Variants in TENM1 observed in about 807,000 individuals in gnomAD.
TENM1 encodes the protein teneurin transmembrane protein 1.
A neutral mutation model predicts 174.8 loss-of-function variants in TENM1; 35 were observed. The ratio of observed to expected loss-of-function variants is 0.20; its 90% CI spans 0.15 to 0.27. TENM1 has a LOEUF of 0.27. Ranked by LOEUF, TENM1 falls within the 10% of genes least tolerant of loss-of-function variation. The pLI is 1.00. For synonymous variants in TENM1, 781 were observed against 798.7 expected, an observed-to-expected ratio of 0.98 and a Z score of 0.37; for missense variants, 1,633 against 2,130.1, an observed-to-expected ratio of 0.77 and a Z score of 4.59.
chrX:124,901,323 C>T (rs1462809080), intron 1 of TENM1, among the ~76,000 whole-genome samples: 5 of 110,179 alleles, frequency 4.5e-5, no homozygotes, highest in Admixed American at 9.7e-5. Flanking sequence ...TTTTTAAATG[C>T]TATGAAGCAC....
chrX:125,106,442 C>T, the TENM1 span, among the ~76,000 whole-genome samples: 8 of 106,115 alleles, frequency 7.5e-5, no homozygotes, highest in Non-Finnish European at 9.7e-5. Context: ...TGGAGTCTCG[C>T]TCTGCCGCCC....
intron 14 of TENM1, among the ~76,000 whole-genome samples, chrX:124,550,245 A>G (rs1165787760): frequency 9.0e-6 from 1 of 111,661 alleles, no homozygotes; most frequent in East Asian, 2.8e-4. Flanking sequence ...CCCTTGGCTG[A>G]AAGGGGAAAT....
At chrX:124,551,431 T>C (rs2048566191) in intron 14 of TENM1, among the ~76,000 whole-genome samples, 1 of 110,698 alleles carries the variant, frequency 9.0e-6, no homozygotes, top group Admixed American at 9.7e-5. Flanking sequence ...CAAGTTCTCG[T>C]ACAACATAGT....
upstream of TENM1, among the ~76,000 whole-genome samples, chrX:124,966,497 C>T (rs2058727438): frequency 9.2e-6 from 1 of 109,153 alleles, no homozygotes; most frequent in East Asian, 2.9e-4. Context: ...CCCATCTCTA[C>T]TAAAAATACA....
chrX:124,921,422 T>A (rs898964380), intron 1 of TENM1, among the ~76,000 whole-genome samples: 23 of 111,425 alleles, frequency 2.1e-4, no homozygotes, highest in Non-Finnish European at 3.8e-4. Context: ...ATTTTATGTA[T>A]TATACTATAC....
intron 11 of TENM1, among the ~76,000 whole-genome samples, chrX:124,592,304 C>A (rs764394688): frequency 9.0e-6 from 1 of 111,661 alleles, no homozygotes; most frequent in East Asian, 2.8e-4. Flanking sequence ...TCGCTACATT[C>A]AGATTTTCAT....
chrX:125,011,267 G>A, the TENM1 span, among the ~76,000 whole-genome samples: 1 of 111,854 alleles, frequency 8.9e-6, no homozygotes, highest in African/African-American at 3.3e-5. Flanking sequence ...CAGGACATGG[G>A]CATGGGCAAA....
At chrX:124,729,024 T>C (rs778688723) in intron 4 of TENM1, among the ~76,000 whole-genome samples, 12 of 112,472 alleles carry the variant, frequency 1.1e-4, no homozygotes, top group Non-Finnish European at 2.1e-4. Flanking sequence ...TTATTGTTAC[T>C]AGTACTAAAC....
the TENM1 span, among the ~76,000 whole-genome samples, chrX:124,988,612 T>C: frequency 9.0e-6 from 1 of 111,498 alleles, no homozygotes; most frequent in Non-Finnish European, 1.9e-5. Context: ...AATAATTGTA[T>C]ACCAATATCT....
intron 3 of TENM1, among the ~76,000 whole-genome samples, chrX:124,886,749 T>TA (rs1457309626): frequency 2.0e-5 from 2 of 99,768 alleles, no homozygotes; most frequent in African/African-American, 3.7e-5. Flanking sequence ...TTTTTTTTTT[T>TA]ACCCTTAATA....
the TENM1 span, among the ~76,000 whole-genome samples, chrX:125,091,532 G>A: frequency 2.7e-5 from 3 of 111,772 alleles, no homozygotes; most frequent in African/African-American, 9.8e-5. Flanking sequence ...AGGGAGTCCA[G>A]AGAGCTGATT....
exon 2 of TENM1, chrX:124,896,099 T>G (rs778292136): frequency 1.7e-6 from 2 of 1,211,511 alleles, no homozygotes; most frequent in Non-Finnish European, 1.1e-6. Flanking sequence ...ACATTCTTAG[T>G]GCATGGTCAG....
At chrX:125,037,991 T>C in the TENM1 span, among the ~76,000 whole-genome samples, 1 of 111,199 alleles carries the variant, frequency 9.0e-6, no homozygotes, top group Non-Finnish European at 1.9e-5. Flanking sequence ...GCAAAGGCTG[T>C]AATCATTATT....
intron 4 of TENM1, among the ~76,000 whole-genome samples, chrX:124,716,752 G>A (rs1281866112): frequency 1.8e-5 from 2 of 111,359 alleles, no homozygotes; most frequent in African/African-American, 6.5e-5. Flanking sequence ...ATGATCTTCC[G>A]GGTACACGCC....
At chrX:124,612,818 A>T (rs750596602) in intron 11 of TENM1, among the ~76,000 whole-genome samples, 1 of 110,103 alleles carries the variant, frequency 9.1e-6, no homozygotes, top group Non-Finnish European at 1.9e-5. Flanking sequence ...TTGATCATCT[A>T]TCTATCATTG....
chrX:124,549,559 G>A (rs1250477356), intron 14 of TENM1, among the ~76,000 whole-genome samples: 1 of 110,654 alleles, frequency 9.0e-6, no homozygotes, highest in East Asian at 2.8e-4. Context: ...TCTAAACATA[G>A]AACCAATTCA....
At chrX:124,544,193 A>G (rs2048381891) in intron 15 of TENM1, among the ~76,000 whole-genome samples, 1 of 112,793 alleles carries the variant, frequency 8.9e-6, no homozygotes, top group African/African-American at 3.2e-5. Context: ...TGAGGAGAGC[A>G]ATCCTACAGT....
intron 3 of TENM1, among the ~76,000 whole-genome samples, chrX:124,810,835 CA>C (rs2055752580): frequency 9.0e-6 from 1 of 111,310 alleles, no homozygotes; most frequent in African/African-American, 3.3e-5. Flanking sequence ...TCAGCACCAG[CA>C]ATTTCAAAAA....
the TENM1 span, among the ~76,000 whole-genome samples, chrX:125,099,871 C>T: frequency 8.9e-6 from 1 of 111,855 alleles, no homozygotes; most frequent in Non-Finnish European, 1.9e-5. Context: ...TTTTAATAAA[C>T]TTGGTGGAGT....
Sources: allele counts gnomAD v4.1 joint callset (sites outside exome capture counted in the v4.1 genomes callset), GRCh38; gene constraint gnomAD v4.1.1; transcripts MANE v1.5; gene names NCBI Gene and HGNC (gene_info 2026-07-23, HGNC 2026-07-21).